Variants in PRKAA2 observed in about 807,000 individuals in gnomAD.
PRKAA2 encodes the protein 5'-AMP-activated protein kinase catalytic subunit alpha-2.
PRKAA2 carries 40 observed loss-of-function variants against 56.3 expected under a neutral mutation model. The observed-to-expected ratio is 0.71, with a 90% CI of 0.55 to 0.92. The LOEUF is 0.92. PRKAA2 is among the 40% of genes least tolerant of loss of function. The probability of loss-of-function intolerance (pLI) is 0.00; values close to 1 mark genes in which losing one functional copy is unlikely to be tolerated. For synonymous variants in PRKAA2, 214 were observed against 234.2 expected (o/e 0.91, Z 0.79); for missense variants, 542 against 686.9 (o/e 0.79, Z 2.36).
chr1:56,655,280 A>ATATATATATATATATATATT, intron 1 of PRKAA2, among the ~76,000 whole-genome samples: 1 of 93,680 alleles, frequency 1.1e-5, no homozygotes, highest in African/African-American at 4.5e-5. Context: ...ATATATATAT[A>ATATATATATATATATATATT]TTTTTTTTTT....
chr1:56,662,612 A>G (rs1027794038), intron 1 of PRKAA2, among the ~76,000 whole-genome samples: 1 of 152,160 alleles, frequency 6.6e-6, no homozygotes, highest in Admixed American at 6.5e-5. Context: ...CATAAATGCC[A>G]TCAAGGTCAA....
Position 56,706,148 on chromosome 1 carries a change from C to T in PRKAA2, c.1350C>T (p.Tyr450=), listed in dbSNP as rs747801396. The change falls in exon 8 of 9, where the codon TAC becomes TAT. Residue 450 remains tyrosine (Y), a synonymous_variant. Coordinates refer to ENST00000371244, the MANE Select transcript of PRKAA2 (RefSeq NM_006252.4). ...VRRKNPVTGN[Y]VKMSLQLYLV... is the part of the protein sequence containing the mutation. ...GAAAAAATCCAGTGACTGGCAATTA[C>T]GTGAAAATGAGCTTACAACTTTACC... The T allele has an allele frequency of 2.4e-5, 39 of 1,612,934 alleles. No homozygotes were observed. Among genetic ancestry groups the T allele is most frequent in the South Asian group, 4.4e-5 (4 of 91,018 alleles).
At chr1:56,646,144 C>T (rs1646640288) in intron 1 of PRKAA2, among the ~76,000 whole-genome samples, 1 of 152,116 alleles carries the variant, frequency 6.6e-6, no homozygotes, top group Non-Finnish European at 1.5e-5. Flanking sequence ...TTCCAGGACT[C>T]TCGGTTGTTG....
chr1:56,693,132 G>T lies in PRKAA2; in HGVS notation c.475+630G>T, dbSNP rs946263405. Among the ~76,000 whole-genome samples, 3 of 152,098 alleles carry T rather than the reference G, an allele frequency of 2.0e-5. No individual in the cohort carries two copies. In the South Asian group the frequency reaches 6.2e-4, roughly 31 times the overall value. On this transcript the variant is annotated intron_variant, in intron 4 of 8. Transcript: ENST00000371244. ...AGATTAAAGAGAAAGAGATAGAAAG[G>T]TACAGGCTATTGTTGCCTATTTGTG...
At chr1:56,674,291 T>C (rs1644098112) in intron 1 of PRKAA2, 90 bp from the exon 2 acceptor site, 1 of 1,127,092 alleles carries the variant, frequency 8.9e-7, no homozygotes, top group Non-Finnish European at 1.2e-6. Context: ...TATATATGAG[T>C]AGAGAAGTTT....
chr1:56,684,206 T>C (rs1644175222), intron 2 of PRKAA2, among the ~76,000 whole-genome samples: 1 of 151,800 alleles, frequency 6.6e-6, no homozygotes, highest in African/African-American at 2.4e-5. Flanking sequence ...GTAACTGAAG[T>C]GGAGAAGATT....
Position 56,674,539 on chromosome 1 carries a change from C to A in PRKAA2, c.236+17C>A. The A allele has an allele frequency of 1.4e-6, 2 of 1,431,260 alleles. No homozygotes were observed. The highest frequency in any genetic ancestry group is 1.4e-5 in the South Asian group (1 of 70,366). 88.7% of individuals were successfully genotyped at this position (1,431,260 alleles called of 1,614,324 possible). The stretch of plus-strand genomic sequence containing the variant: ...TATCAAACTGTAAGTATTTTTGTAT[C>A]TAATAATACCAAAGAGACACCTATC... On this transcript the variant is annotated intron_variant, in intron 2 of 8. Transcript: ENST00000371244.
intron 2 of PRKAA2, among the ~76,000 whole-genome samples, chr1:56,690,641 T>G (rs766103895): frequency 2.2e-4 from 34 of 152,290 alleles, no homozygotes; most frequent in Middle Eastern, 3.4e-3. Context: ...TAACGTATAG[T>G]TTATCCTTTC....
intron 1 of PRKAA2, among the ~76,000 whole-genome samples, chr1:56,645,845 C>T (rs1646636129): frequency 6.6e-6 from 1 of 152,170 alleles, no homozygotes; most frequent in Non-Finnish European, 1.5e-5. Context: ...AGGCGCCTTC[C>T]AGCTCTGAGC....
chr1:56,708,912 G>A lies in PRKAA2; in HGVS notation c.*1199G>A, dbSNP rs1490903758. 6.6e-6 allele frequency: 1 copy of A among 151,774 alleles called. No homozygotes were observed. The highest frequency in any genetic ancestry group is 1.5e-5 in the Non-Finnish European group (1 of 67,960). 9.4% of individuals were successfully genotyped at this position (151,774 alleles called of 1,614,324 possible). On this transcript the variant is annotated 3_prime_UTR_variant, in exon 9 of 9. Transcript: ENST00000371244. ...AATAAATATATATATTCACACACCAGTGCTTTTAAGCAAAAACCAGTTTTT... is the reference window on the plus strand; with the variant it reads ...AATAAATATATATATTCACACACCAATGCTTTTAAGCAAAAACCAGTTTTT...
At chr1:56,654,320 C>G (rs1643925016) in intron 1 of PRKAA2, among the ~76,000 whole-genome samples, 1 of 152,128 alleles carries the variant, frequency 6.6e-6, no homozygotes, top group African/African-American at 2.4e-5. Context: ...GCATTTGGTA[C>G]TGCTTTGTAA....
chr1:56,664,468 ATGT>A (rs146727667), intron 1 of PRKAA2, among the ~76,000 whole-genome samples: 32,473 of 151,576 alleles, frequency 0.21, 3,964 homozygotes, highest in South Asian at 0.46. Flanking sequence ...TTTAGTTCAG[ATGT>A]TGTTTCTGGT....
At chr1:56,698,955 TATC>T in intron 6 of PRKAA2, among the ~76,000 whole-genome samples, 1 of 152,298 alleles carries the variant, frequency 6.6e-6, no homozygotes, top group East Asian at 1.9e-4. Context: ...GTATTAATGT[TATC>T]ATAGTTAAAG....
chr1:56,703,471 T>C (rs1644309786), intron 6 of PRKAA2, among the ~76,000 whole-genome samples: 1 of 152,216 alleles, frequency 6.6e-6, no homozygotes, highest in Non-Finnish European at 1.5e-5. Flanking sequence ...TTAGCTGAAG[T>C]GTGGTTTTCA....
At chr1:56,706,564 T>C (rs1644333676) in intron 8 of PRKAA2, among the ~76,000 whole-genome samples, 1 of 152,190 alleles carries the variant, frequency 6.6e-6, no homozygotes, top group Non-Finnish European at 1.5e-5. Context: ...TATTAGTTAG[T>C]ATTATAGTGT....
intron 6 of PRKAA2, among the ~76,000 whole-genome samples, chr1:56,698,545 AT>A (rs1237338739): frequency 2.2e-4 from 34 of 152,328 alleles, no homozygotes; most frequent in Admixed American, 2.2e-3. Flanking sequence ...TACACAACTA[AT>A]AAGGAGCACA....
intron 1 of PRKAA2, among the ~76,000 whole-genome samples, chr1:56,665,761 T>C (rs1282701520): frequency 6.6e-6 from 1 of 152,170 alleles, no homozygotes; most frequent in Non-Finnish European, 1.5e-5. Context: ...TGTATTGCAT[T>C]GTGGTCTTAA....
intron 2 of PRKAA2, among the ~76,000 whole-genome samples, chr1:56,690,349 G>C (rs1335007418): frequency 7.9e-5 from 12 of 152,044 alleles, no homozygotes; most frequent in Non-Finnish European, 1.5e-4. Context: ...ATTTTTAGTA[G>C]AGACGGGGTT....
rs762111542 is a variant in PRKAA2 at position 56,713,791 on chromosome 1, T to C, written c.*6078T>C. The C allele has an allele frequency of 5.7e-5, 8 of 140,576 alleles. No homozygotes were observed. The highest frequency in any genetic ancestry group is 1.1e-4 in the Non-Finnish European group (7 of 66,316). The allele number at this position is 140,576 out of a possible 1,614,324, so 8.7% of individuals were successfully genotyped here. ...CACATTTAAGTTTTGCTACCAAAAA[T>C]GGCCATTTTTCTAGACAGATAACAT... On this transcript the variant is annotated 3_prime_UTR_variant, in exon 9 of 9. Transcript: ENST00000371244.
Sources: gnomAD v4.1 joint callset for allele counts (sites outside exome capture counted in the v4.1 genomes callset) on GRCh38, gnomAD v4.1.1 for gene constraint, MANE v1.5 for transcripts, NCBI Gene and HGNC (gene_info 2026-07-23, HGNC 2026-07-21) for gene names.